Variants in FMO1 observed in about 807,000 individuals in gnomAD.
The protein encoded by FMO1 is flavin containing dimethylaniline monoxygenase 1.
Under a neutral mutation model 45.4 loss-of-function variants are expected in FMO1, and 36 were observed. The observed-to-expected ratio is 0.79, with a 90% CI of 0.61 to 1.05. The LOEUF (loss-of-function observed/expected upper bound fraction) is 1.05. Ranked by LOEUF, FMO1 falls within the 50% of genes least tolerant of loss-of-function variation. The pLI, the probability that FMO1 is intolerant of heterozygous loss-of-function variation, is 0.00. For missense variants in FMO1, 615 were observed against 640.3 expected (o/e 0.96, Z 0.43); for synonymous variants, 228 against 227.2 (o/e 1.00, Z -0.03).
chr1:171,250,049 T>C (rs1354457405), intron 1 of FMO1, among the ~76,000 whole-genome samples: 3 of 152,192 alleles, frequency 2.0e-5, no homozygotes, highest in Non-Finnish European at 2.9e-5. Flanking sequence ...TCCTATTAAG[T>C]AGACAAAAAC....
At chr1:171,261,701 T>C (rs1390557382) in intron 2 of FMO1, among the ~76,000 whole-genome samples, 4 of 151,700 alleles carry the variant, frequency 2.6e-5, no homozygotes, top group South Asian at 2.1e-4. Flanking sequence ...CTGGGCAATA[T>C]AACAAGACCC....
chr1:171,276,770 C>T (rs1661128837), intron 4 of FMO1, among the ~76,000 whole-genome samples: 1 of 152,156 alleles, frequency 6.6e-6, no homozygotes, highest in Admixed American at 6.5e-5. Flanking sequence ...ATACACCTCT[C>T]ATGGTCCTGG....
At chr1:171,283,972 GT>G (rs1661507714) in intron 8 of FMO1, among the ~76,000 whole-genome samples, 1 of 152,114 alleles carries the variant, frequency 6.6e-6, no homozygotes, top group African/African-American at 2.4e-5. Context: ...CACTTATGCT[GT>G]GCTCTGTGGC....
At chr1:171,267,826 C>A in intron 3 of FMO1, 95 bp downstream of exon 3, 1 of 866,092 alleles carries the variant, frequency 1.2e-6, no homozygotes, top group Non-Finnish European at 1.8e-6. Flanking sequence ...AGATGAGATA[C>A]TAAACTGGCA....
intron 2 of FMO1, among the ~76,000 whole-genome samples, chr1:171,267,234 T>C (rs914597671): frequency 8.5e-5 from 13 of 152,214 alleles, no homozygotes; most frequent in African/African-American, 3.1e-4. Flanking sequence ...GTGATATGAA[T>C]CACTTCTATA....
chr1:171,254,025 T>A (rs1660031830), intron 1 of FMO1: 5 of 152,208 alleles, frequency 3.3e-5, no homozygotes, highest in Admixed American at 3.3e-4. Flanking sequence ...GACTAGCCAA[T>A]AAAAGGTAAT....
rs749412497 is a variant in FMO1 at position 171,285,185 on chromosome 1, A to G, written c.1257-17A>G. ...TTTTTTGTCTTCACCTTTTCCCCCA[A>G]TCTTCCTTTTATAAAGGTTTGGCTT... On this transcript the variant is annotated splice_polypyrimidine_tract_variant and intron_variant, in intron 8 of 8. Coordinates refer to ENST00000617670, the MANE Select transcript of FMO1 (RefSeq NM_001282693.2). 3.3e-6 allele frequency: 5 copies of G among 1,509,838 alleles called. No individual in the cohort carries two copies. Among genetic ancestry groups the G allele is most frequent in the African/African-American group, 1.4e-5 (1 of 70,972 alleles). 93.5% of individuals were successfully genotyped at this position (1,509,838 alleles called of 1,614,324 possible).
intron 1 of FMO1, among the ~76,000 whole-genome samples, chr1:171,251,317 G>C (rs1385198449): frequency 6.6e-6 from 1 of 151,956 alleles, no homozygotes; most frequent in Non-Finnish European, 1.5e-5. Flanking sequence ...CGGACCCTCA[G>C]CTGGACTGGC....
intron 3 of FMO1, among the ~76,000 whole-genome samples, chr1:171,270,304 T>C (rs953428788): frequency 3.3e-5 from 5 of 152,212 alleles, no homozygotes; most frequent in African/African-American, 1.2e-4. Flanking sequence ...GATGTTCAGT[T>C]ATGGATGAAA....
chr1:171,285,442 C>A lies in FMO1; in HGVS notation c.1497C>A (p.Ile499=). The A allele has an allele frequency of 6.2e-7, 1 of 1,602,860 alleles. No homozygotes were observed. The highest frequency in any genetic ancestry group is 1.1e-5 in the South Asian group (1 of 89,054). Residue 499 remains isoleucine, a synonymous_variant, in exon 9 of 9, where the codon ATC becomes ATA. Coordinates refer to ENST00000617670, the MANE Select transcript of FMO1 (RefSeq NM_001282693.2). ...MTQWDRTFKV[I]KARVVQESPS... is the part of the protein sequence containing the mutation. ...AGTGGGACCGAACATTCAAGGTCAT[C>A]AAAGCTCGAGTTGTACAAGAGTCTC...
At chr1:171,272,059 T>C (rs927086103) in intron 3 of FMO1, among the ~76,000 whole-genome samples, 2 of 152,360 alleles carry the variant, frequency 1.3e-5, no homozygotes, top group Non-Finnish European at 2.9e-5. Context: ...AAAAGTGGTT[T>C]CATGGGCCAG....
chr1:171,253,343 CA>C (rs1659988823), intron 1 of FMO1, among the ~76,000 whole-genome samples: 1 of 152,060 alleles, frequency 6.6e-6, no homozygotes, highest in Non-Finnish European at 1.5e-5. Flanking sequence ...ACAAAAATAT[CA>C]AATTAAACCC....
At chr1:171,256,662 A>T (rs546409481) in intron 1 of FMO1, among the ~76,000 whole-genome samples, 23 of 152,112 alleles carry the variant, frequency 1.5e-4, no homozygotes, top group Admixed American at 8.5e-4. Context: ...TTATTTCATT[A>T]AAAAAAATTG....
chr1:171,283,999 G>T (rs545403365), intron 8 of FMO1, among the ~76,000 whole-genome samples: 1 of 152,272 alleles, frequency 6.6e-6, no homozygotes, highest in South Asian at 2.1e-4. Context: ...CTCAAGGCTA[G>T]AGACAATGGA....
In FMO1 at chr1:171,267,525, T is replaced by A. The variant is rs1334336725; in HGVS notation, c.133-18T>A. 4.5e-6 allele frequency: 7 copies of A among 1,570,808 alleles called. No homozygotes were observed. The highest frequency in any genetic ancestry group is 3.4e-6 in the Non-Finnish European group (4 of 1,159,884). On this transcript the variant is annotated intron_variant, in intron 2 of 8. Transcript: ENST00000617670. ...TGAGCATGCAATGAATGTTCATGTG[T>A]GTGCACTGTTTGTACAGGAACATGT...
intron 1 of FMO1, among the ~76,000 whole-genome samples, chr1:171,253,177 C>G (rs1571322860): frequency 6.6e-6 from 1 of 152,152 alleles, no homozygotes; most frequent in African/African-American, 2.4e-5. Context: ...CCCTCTCTTT[C>G]TTCTATCATC....
intron 2 of FMO1, among the ~76,000 whole-genome samples, chr1:171,263,028 G>A (rs1247596469): frequency 1.3e-5 from 2 of 152,186 alleles, no homozygotes; most frequent in Non-Finnish European, 2.9e-5. Context: ...ATTTAGGGGT[G>A]AATTTTATTA....
chr1:171,280,873 T>A lies in FMO1; in HGVS notation c.715T>A (p.Phe239Ile). The A allele has an allele frequency of 6.2e-7, 1 of 1,613,990 alleles. No homozygotes were observed. The change falls in exon 6 of 9, where the codon TTT becomes ATT. Residue 239 changes from phenylalanine (F) to isoleucine (I), a missense_variant. Transcript: ENST00000617670. ...YPWDMVFMTRFQNMLRNSLPT... is the reference protein window; with the variant it reads ...YPWDMVFMTRIQNMLRNSLPT... Reference sequence around the variant, plus strand: ...ATGGGACATGGTGTTCATGACACGCTTTCAGAACATGTTGAGAAATTCCCT... The same window carrying A: ...ATGGGACATGGTGTTCATGACACGCATTCAGAACATGTTGAGAAATTCCCT...
chr1:171,275,301 T>A (rs1661061314), intron 3 of FMO1, 45 bp from the exon 4 acceptor site: 1 of 1,546,978 alleles, frequency 6.5e-7, no homozygotes, highest in South Asian at 1.1e-5. Context: ...AAGTGCTTAA[T>A]GGAACATTGA....
Sources: gnomAD v4.1 joint callset for allele counts (sites outside exome capture counted in the v4.1 genomes callset) on GRCh38, gnomAD v4.1.1 for gene constraint, MANE v1.5 for transcripts, NCBI Gene and HGNC (gene_info 2026-07-23, HGNC 2026-07-21) for gene names.